The following LTBP4 variants were observed in gnomAD, a reference collection of about 807,000 sequenced individuals.
LTBP4 encodes the protein latent-transforming growth factor beta-binding protein 4.
LTBP4 carries 93 observed loss-of-function variants against 180.2 expected under a neutral mutation model. The ratio of observed to expected loss-of-function variants is 0.52; its 90% CI spans 0.44 to 0.61. The LOEUF (loss-of-function observed/expected upper bound fraction) is 0.61, where lower values mean the gene tolerates loss of function less well. LTBP4 is among the 20% of genes least tolerant of loss of function. LTBP4 has a pLI of 0.00. For missense variants in LTBP4, 2,116 were observed against 2,256.5 expected, an observed-to-expected ratio of 0.94 and a Z score of 1.26; for synonymous variants, 947 against 934.5, an observed-to-expected ratio of 1.01 and a Z score of -0.24.
intron 22 of LTBP4, among the ~76,000 whole-genome samples, chr19:40,621,897 G>A (rs1312515848): frequency 6.6e-6 from 1 of 152,084 alleles, no homozygotes; most frequent in Admixed American, 6.6e-5. Flanking sequence ...ACAGGCATGC[G>A]CCACCACACC....
Position 40,623,744 on chromosome 19 carries a change from A to T in LTBP4, c.3685+12A>T. On this transcript the variant is annotated intron_variant, in intron 25 of 29. Transcript: ENST00000396819. Reference sequence around the variant, plus strand: ...GCTGGAGTGCATCGGTACAAGCCCCACCTCCCCCAACCCCCGGCAACTCTC... The same window carrying T: ...GCTGGAGTGCATCGGTACAAGCCCCTCCTCCCCCAACCCCCGGCAACTCTC... The T allele has an allele frequency of 1.9e-6, 3 of 1,610,570 alleles. No homozygotes were observed. Among genetic ancestry groups the T allele is most frequent in the Non-Finnish European group, 1.7e-6 (2 of 1,178,464 alleles).
chr19:40,627,304 C>A lies in LTBP4; in HGVS notation c.4315C>A (p.Arg1439Ser). The change falls in exon 28 of 30, where the codon CGC becomes AGC. Residue 1439 changes from arginine to serine, a missense_variant. Physicochemically the swap from Arg to Ser is moderately radical, Grantham distance 110 (BLOSUM62 -1). Transcript: ENST00000396819. The stretch of plus-strand genomic sequence containing the variant: ...CTGGCCCTATCGGTCCCGGGACACC[C>A]GCCGCTCCTTCCCAGAGCCCGAGGA... ...TRWPYRSRDT[R>S]RSFPEPEEPP... is the part of the protein sequence containing the mutation. 1 of 1,530,646 alleles carries A rather than the reference C, an allele frequency of 6.5e-7. No individual in the cohort carries two copies. Among genetic ancestry groups the A allele is most frequent in the East Asian group, 2.4e-5 (1 of 41,696 alleles). The allele number at this position is 1,530,646 out of a possible 1,614,324, so 94.8% of individuals were successfully genotyped here. A position where few individuals can be genotyped will look rare whatever the true frequency, so the allele number is the denominator to read the frequency against.
chr19:40,613,127 G>C lies in LTBP4; in HGVS notation c.2362G>C (p.Glu788Gln), dbSNP rs748663773. The change falls in exon 16 of 30, where the codon GAA (glutamate) becomes CAA (glutamine). Residue 788 changes from glutamate to glutamine, a missense_variant. Around this residue, in one of 5 missense-constraint regions of LTBP4, gnomAD observed 877 missense variants for 873.6 expected, o/e 1.00. Transcript: ENST00000396819. The surrounding 1 kb of genome is among the most constrained non-coding windows in gnomAD (Gnocchi z 5.0). Reference sequence around the variant, plus strand: ...TCCCCACGGCCACTGCACTAACACCGAAGGCTCCTTCCGCTGCAGCTGCGC... The same window carrying C: ...TCCCCACGGCCACTGCACTAACACCCAAGGCTCCTTCCGCTGCAGCTGCGC... The part of the protein sequence containing the change: ...CGPHGHCTNT[E>Q]GSFRCSCAPG... 1 of 1,604,890 alleles carries C rather than the reference G, an allele frequency of 6.2e-7. No individual in the cohort carries two copies. Among genetic ancestry groups the C allele is most frequent in the South Asian group, 1.1e-5 (1 of 89,392 alleles).
At chr19:40,608,092 C>A in intron 7 of LTBP4, 128 bp from the exon 8 acceptor site, 1 of 985,460 alleles carries the variant, frequency 1.0e-6, no homozygotes, top group Non-Finnish European at 1.5e-6. Flanking sequence ...CACCCCATCC[C>A]AGCCTCCAGC....
At chr19:40,612,229 T>A in intron 15 of LTBP4, 37 bp downstream of exon 15, 1 of 1,554,906 alleles carries the variant, frequency 6.4e-7, no homozygotes, top group African/African-American at 1.4e-5. Flanking sequence ...TGGGCCTGCA[T>A]CATGACCCCC....
At chr19:40,595,211 AAG>A (rs1329366900) in intron 1 of LTBP4, among the ~76,000 whole-genome samples, 1 of 152,018 alleles carries the variant, frequency 6.6e-6, no homozygotes, top group Non-Finnish European at 1.5e-5. Flanking sequence ...ACTCTGGAAA[AAG>A]AGGTGATTAG....
At position 40,625,248 on chromosome 19, in the gene LTBP4, GTATTTATATATATATATATATATA is replaced by G. The variant is rs2081615758; in HGVS notation, c.3833-605_3833-582del. Among the ~76,000 whole-genome samples, 82 of 58,726 alleles carry G rather than the reference GTATTTATATATATATATATATATA, an allele frequency of 1.4e-3. 2 individuals are homozygous for G. The highest frequency in any genetic ancestry group is 8.3e-3 in the Middle Eastern group (1 of 120). 38.5% of individuals were successfully genotyped at this position (58,726 alleles called of 152,430 possible). ...CCGCCACCAAGCCTGGCTAATTTTT[GTATTTATATATATATATATATATA>G]TATATATATATATATATATATATAT... On this transcript the variant is annotated intron_variant, in intron 26 of 29. Coordinates refer to ENST00000396819, the MANE Select transcript of LTBP4 (RefSeq NM_001042545.2).
chr19:40,623,796 C>T, intron 25 of LTBP4, 64 bp downstream of exon 25: 2 of 1,604,384 alleles, frequency 1.2e-6, no homozygotes, highest in South Asian at 1.1e-5. Flanking sequence ...GCCAGCTCCC[C>T]TCTGGAATGT....
chr19:40,621,715 G>T (rs1236799148), intron 22 of LTBP4, among the ~76,000 whole-genome samples: 1 of 152,102 alleles, frequency 6.6e-6, no homozygotes, highest in Non-Finnish European at 1.5e-5. Flanking sequence ...TGGATGTCTG[G>T]GTGGGGAAGC....
At chr19:40,607,786 G>A (rs1335699873) in intron 7 of LTBP4, among the ~76,000 whole-genome samples, 1 of 152,178 alleles carries the variant, frequency 6.6e-6, no homozygotes, top group East Asian at 1.9e-4. Flanking sequence ...TCTCCTGAGC[G>A]TCAACGCCCA....
intron 1 of LTBP4, among the ~76,000 whole-genome samples, chr19:40,602,137 G>A (rs982208123): frequency 2.1e-5 from 3 of 146,148 alleles, no homozygotes; most frequent in Non-Finnish European, 4.5e-5. Flanking sequence ...AGGGGACAGA[G>A]ACGGGGGTTG....
Position 40,607,448 on chromosome 19 carries a change from A to G in LTBP4, c.1075A>G (p.Ile359Val). 6.2e-7 allele frequency: 1 copy of G among 1,613,542 alleles called. No homozygotes were observed. The highest frequency in any genetic ancestry group is 8.5e-7 in the Non-Finnish European group (1 of 1,179,786). ...CTGTTCGCTGCCCATTCTGCGGAAC[A>G]TCACTAAACAGATCTGCTGCTGCAG... ...GGCSLPILRN[I>V]TKQICCCSRV... Residue 359 changes from isoleucine to valine, a missense_variant, in exon 7 of 30, where the codon ATC (isoleucine) becomes GTC (valine). Ile to Val is a conservative substitution (Grantham distance 29). Around this residue, in one of 5 missense-constraint regions of LTBP4, gnomAD observed 469 missense variants for 532.5 expected, o/e 0.88. Transcript: ENST00000396819.
rs1248559288 is a variant in LTBP4, at chr19:40,601,555, G to A, written c.168G>A (p.Pro56=). ...GGCCGACCGGCTCCCGCTGTACCCC[G>A]ACCTGCGCGCCCCGCAACGCCACCA... ...VHGPTGSRCT[P]TCAPRNATSV... Residue 56 remains proline (P), a synonymous_variant, in exon 1 of 30, where the codon CCG becomes CCA. Transcript: ENST00000396819. The A allele has an allele frequency of 2.7e-6, 4 of 1,476,564 alleles. No homozygotes were observed. In the South Asian group the frequency reaches 3.9e-5, roughly 14 times the overall value. The allele number at this position is 1,476,564 out of a possible 1,614,324, so 91.5% of individuals were successfully genotyped here. A position where few individuals can be genotyped will look rare whatever the true frequency, so the allele number is the denominator to read the frequency against.
chr19:40,627,950 G>C, intron 29 of LTBP4, 93 bp downstream of exon 29: 3 of 1,461,326 alleles, frequency 2.1e-6, no homozygotes, highest in South Asian at 1.3e-5. Flanking sequence ...GGTCAGGGAC[G>C]GGAAAGGACC....
Position 40,608,241 on chromosome 19 carries a change from C to CGGCTG in LTBP4, c.1180_1184dup (p.Pro396LeufsTer350). 6.2e-7 allele frequency: 1 copy of CGGCTG among 1,613,968 alleles called. No individual in the cohort carries two copies. The highest frequency in any genetic ancestry group is 8.5e-7 in the Non-Finnish European group (1 of 1,179,890). On this transcript the variant is annotated frameshift_variant, in exon 8 of 30. Coordinates refer to ENST00000396819, the MANE Select transcript of LTBP4 (RefSeq NM_001042545.2). LOFTEE classifies it high-confidence loss of function. ...CCAGAGGGTTTCCGGGAGATCTGCC[C>CGGCTG]GGCTGGTCCTGGTTACCACTACTCG...
At chr19:40,598,068 C>A (rs2146010722), upstream of LTBP4, among the ~76,000 whole-genome samples, 1 of 152,248 alleles carries the variant, frequency 6.6e-6, no homozygotes, top group East Asian at 1.9e-4. Flanking sequence ...AGGCGCCCTT[C>A]CTGTCTGCGG....
At chr19:40,623,892 T>C in intron 25 of LTBP4, 44 bp from the exon 26 acceptor site, 1 of 1,608,442 alleles carries the variant, frequency 6.2e-7, no homozygotes, top group Non-Finnish European at 8.5e-7. Context: ...TGGGAAAGGG[T>C]GGGGAGAGTT....
intron 26 of LTBP4, among the ~76,000 whole-genome samples, chr19:40,625,248 GTATTTA>G (rs2081615574): frequency 1.7e-5 from 1 of 58,730 alleles, no homozygotes; most frequent in East Asian, 5.4e-4. Flanking sequence ...GCTAATTTTT[GTATTTA>G]TATATATATA....
At chr19:40,623,363 C>G (rs1046933358) in intron 24 of LTBP4, among the ~76,000 whole-genome samples, 7 of 152,004 alleles carry the variant, frequency 4.6e-5, no homozygotes, top group Admixed American at 3.9e-4. Context: ...TTAGTAGAGA[C>G]AGGGTTTCAC....
Sources: gnomAD v4.1 joint callset for allele counts (sites outside exome capture counted in the v4.1 genomes callset) on GRCh38, gnomAD v4.1.1 for gene constraint, gnomAD v4.1.1 regional missense constraint, Gnocchi (gnomAD v3.1) non-coding constraint, MANE v1.5 for transcripts, NCBI Gene and HGNC (gene_info 2026-07-23, HGNC 2026-07-21) for gene names.